The following EEFSEC variants were observed in gnomAD, a reference collection of about 807,000 sequenced individuals.
EEFSEC encodes the protein selenocysteine-specific elongation factor.
EEFSEC carries 43 observed loss-of-function variants against 42.1 expected under a neutral mutation model. The ratio of observed to expected loss-of-function variants is 1.02; its 90% CI spans 0.80 to 1.32. EEFSEC has a LOEUF of 1.32. Ranked by LOEUF, EEFSEC falls within the 40% of genes most tolerant of loss-of-function variation. The pLI, the probability that EEFSEC is intolerant of heterozygous loss-of-function variation, is 0.00. For missense variants in EEFSEC, 745 were observed against 803.6 expected (o/e 0.93, Z 0.88); for synonymous variants, 354 against 339.1 (o/e 1.04, Z -0.48).
chr3:128,317,975 A>G lies in EEFSEC; in HGVS notation c.787-23258A>G, dbSNP rs1011686863. Among the ~76,000 whole-genome samples, 1 of 152,206 alleles carries G rather than the reference A, an allele frequency of 6.6e-6. No homozygotes were observed. The highest frequency in any genetic ancestry group is 6.5e-5 in the Admixed American group (1 of 15,288). On this transcript the variant is annotated intron_variant, in intron 4 of 6. Transcript: ENST00000254730. This position sits in a 1 kb window ranked among gnomAD's most constrained non-coding sequence, Gnocchi z 4.1. ...ATGTGGGCCATGGGAACTGGTTGTT[A>G]GGTGACTGTGCACTCCAGGCAGAGG...
intron 4 of EEFSEC, among the ~76,000 whole-genome samples, chr3:128,284,313 T>C (rs528673821): frequency 4.5e-4 from 68 of 152,374 alleles, no homozygotes; most frequent in Non-Finnish European, 9.0e-4. Flanking sequence ...TTCCATCTTT[T>C]CTTGACGACT....
At chr3:128,411,002 C>T (rs1187829427), downstream of EEFSEC, among the ~76,000 whole-genome samples, 1 of 152,162 alleles carries the variant, frequency 6.6e-6, no homozygotes, top group Non-Finnish European at 1.5e-5. Context: ...TGTAATGAGG[C>T]GGACCTGCTC....
intron 1 of EEFSEC, among the ~76,000 whole-genome samples, chr3:128,235,699 G>C (rs529102475): frequency 6.6e-6 from 1 of 152,336 alleles, no homozygotes; most frequent in African/African-American, 2.4e-5. Flanking sequence ...GTCATGTTCT[G>C]TTTTATGTAC....
At chr3:128,185,702 C>G (rs1483007809) in intron 1 of EEFSEC, among the ~76,000 whole-genome samples, 1 of 152,204 alleles carries the variant, frequency 6.6e-6, no homozygotes, top group East Asian at 1.9e-4. Flanking sequence ...GCTACGATTA[C>G]AGGTGTTAGC....
At chr3:128,327,397 A>G (rs1053139984) in intron 4 of EEFSEC, among the ~76,000 whole-genome samples, 6 of 149,320 alleles carry the variant, frequency 4.0e-5, no homozygotes, top group African/African-American at 1.5e-4. Flanking sequence ...CCCTCATAAT[A>G]CTTTCATATT....
intron 1 of EEFSEC, among the ~76,000 whole-genome samples, chr3:128,232,445 G>T (rs1475020480): frequency 6.6e-6 from 1 of 152,074 alleles, no homozygotes; most frequent in Admixed American, 6.5e-5. Flanking sequence ...CCTCTTACCC[G>T]GAATGGGAAG....
At chr3:128,239,327 G>C (rs1367687510) in intron 1 of EEFSEC, among the ~76,000 whole-genome samples, 1 of 152,236 alleles carries the variant, frequency 6.6e-6, no homozygotes, top group African/African-American at 2.4e-5. Context: ...AGCTCTTACT[G>C]TGCTGGCATA....
At chr3:128,383,103 CG>C (rs2067796717) in intron 6 of EEFSEC, among the ~76,000 whole-genome samples, 1 of 152,182 alleles carries the variant, frequency 6.6e-6, no homozygotes, top group Non-Finnish European at 1.5e-5. Flanking sequence ...ACTGCCTCCT[CG>C]GGCCCCTCTG....
At chr3:128,358,730 C>T (rs963829132) in intron 6 of EEFSEC, among the ~76,000 whole-genome samples, 11 of 152,126 alleles carry the variant, frequency 7.2e-5, no homozygotes, top group Admixed American at 4.6e-4. Flanking sequence ...TGAGGGAGAC[C>T]GCTGGGGGCC....
intron 1 of EEFSEC, among the ~76,000 whole-genome samples, chr3:128,207,035 G>A (rs140656215): frequency 6.6e-6 from 1 of 152,172 alleles, no homozygotes; most frequent in Non-Finnish European, 1.5e-5. Context: ...CAAGAAAATT[G>A]CATCTTTGGA....
At chr3:128,208,112 T>C (rs2065718947) in intron 1 of EEFSEC, among the ~76,000 whole-genome samples, 1 of 152,218 alleles carries the variant, frequency 6.6e-6, no homozygotes, top group Admixed American at 6.5e-5. Context: ...AGTTGGATTT[T>C]GGCTCAATCC....
intron 4 of EEFSEC, among the ~76,000 whole-genome samples, chr3:128,271,542 G>A (rs1231436389): frequency 6.6e-6 from 1 of 152,168 alleles, no homozygotes; most frequent in Non-Finnish European, 1.5e-5. Context: ...GATGCACAGG[G>A]TTGGAGCTCC....
intron 1 of EEFSEC, among the ~76,000 whole-genome samples, chr3:128,168,428 A>G (rs1021911745): frequency 3.3e-5 from 5 of 152,216 alleles, no homozygotes; most frequent in Non-Finnish European, 5.9e-5. Flanking sequence ...CTGGGGCTCC[A>G]TATACCATTA....
At chr3:128,228,483 G>C (rs537369490) in intron 1 of EEFSEC, among the ~76,000 whole-genome samples, 1 of 152,264 alleles carries the variant, frequency 6.6e-6, no homozygotes. Context: ...AGTATGAGGA[G>C]ATGGGGGTGG....
At chr3:128,391,824 T>C (rs2067916835) in intron 6 of EEFSEC, among the ~76,000 whole-genome samples, 4 of 152,154 alleles carry the variant, frequency 2.6e-5, no homozygotes, top group Admixed American at 2.6e-4. Context: ...CAGCGGGTGC[T>C]CTGAGGGCAA....
downstream of EEFSEC, among the ~76,000 whole-genome samples, chr3:128,411,332 G>A (rs2107644721): frequency 6.6e-6 from 1 of 152,330 alleles, no homozygotes; most frequent in Middle Eastern, 3.4e-3. Flanking sequence ...TAAACTCACC[G>A]AATCTGCTCA....
intron 6 of EEFSEC, among the ~76,000 whole-genome samples, chr3:128,388,993 G>A (rs1184187066): frequency 3.3e-5 from 5 of 152,202 alleles, no homozygotes; most frequent in Non-Finnish European, 7.4e-5. Context: ...CTGGGACCCA[G>A]GAGCCACAAG....
chr3:128,281,479 C>A (rs1050604063), intron 4 of EEFSEC, among the ~76,000 whole-genome samples: 2 of 152,162 alleles, frequency 1.3e-5, no homozygotes, highest in Non-Finnish European at 2.9e-5. Flanking sequence ...GCAGAGGTAG[C>A]ATGGGTAAGT....
At chr3:128,305,964 T>C (rs1440186622) in intron 4 of EEFSEC, among the ~76,000 whole-genome samples, 1 of 152,254 alleles carries the variant, frequency 6.6e-6, no homozygotes, top group Admixed American at 6.5e-5. Context: ...CATTCCACTG[T>C]ATGTTACTTT....
Sources: allele counts gnomAD v4.1 joint callset (sites outside exome capture counted in the v4.1 genomes callset), GRCh38; gene constraint gnomAD v4.1.1; non-coding constraint Gnocchi (gnomAD v3.1); transcripts MANE v1.5; gene names NCBI Gene and HGNC (gene_info 2026-07-23, HGNC 2026-07-21).